The following ZNF177 variants were observed in gnomAD, a reference collection of about 807,000 sequenced individuals.
The protein encoded by ZNF177 is zinc finger protein 177.
In ZNF177, 17 loss-of-function variants were observed where a neutral mutation model predicts 19.4. That is an observed-to-expected ratio of 0.87 (90% CI 0.60 to 1.31). ZNF177 has a LOEUF of 1.31. Among genes scored for constraint, ZNF177 ranks in the 40% most tolerant of loss-of-function variants. ZNF177 has a pLI of 0.00. For missense variants in ZNF177, 633 were observed against 561.8 expected, an observed-to-expected ratio of 1.13 and a Z score of -1.28; for synonymous variants, 220 against 188.7, an observed-to-expected ratio of 1.17 and a Z score of -1.36.
exon 6 of ZNF177, chr19:9,381,163 C>A (rs776202703): frequency 3.7e-6 from 6 of 1,614,078 alleles, no homozygotes; most frequent in African/African-American, 2.7e-5. Flanking sequence ...TGTCAGAACT[C>A]ACTCTGGAGA....
exon 6 of ZNF177, chr19:9,381,597 A>G (rs993477071): frequency 6.2e-7 from 1 of 1,613,998 alleles, no homozygotes; most frequent in Non-Finnish European, 8.5e-7. Context: ...CTGGTGAGAA[A>G]ACCTATGAGT....
chr19:9,378,567 A>C, intron 2 of ZNF177: 3 of 712,666 alleles, frequency 4.2e-6, no homozygotes, highest in Non-Finnish European at 4.6e-6. Context: ...TATGAATTCC[A>C]TACTGTAGTG....
At chr19:9,372,545 T>C (rs1440793092), upstream of ZNF177, among the ~76,000 whole-genome samples, 1 of 131,674 alleles carries the variant, frequency 7.6e-6, no homozygotes, top group Admixed American at 7.4e-5. Context: ...TTTTCCTTTT[T>C]TTTTTTTTTT....
At chr19:9,373,924 T>G (rs539856831), upstream of ZNF177, among the ~76,000 whole-genome samples, 5 of 152,268 alleles carry the variant, frequency 3.3e-5, no homozygotes, top group South Asian at 1.0e-3. Context: ...TGATGTAGTT[T>G]CACTTATTTT....
At chr19:9,373,029 C>G (rs1474521114), upstream of ZNF177, among the ~76,000 whole-genome samples, 4 of 152,166 alleles carry the variant, frequency 2.6e-5, no homozygotes, top group Admixed American at 6.5e-5. Context: ...AAGATGCACT[C>G]TCTTGGAAAA....
intron 2 of ZNF177, among the ~76,000 whole-genome samples, chr19:9,368,316 C>T (rs1390555527): frequency 6.7e-6 from 1 of 148,684 alleles, no homozygotes; most frequent in Non-Finnish European, 1.5e-5. Flanking sequence ...CAACCATCAC[C>T]AGCTAGTTCT....
At chr19:9,382,146 TCCTC>T in exon 6 of ZNF177, 1 of 399,056 alleles carries the variant, frequency 2.5e-6, no homozygotes. Context: ...CAATATCCAT[TCCTC>T]CCTTCTTTCT....
rs1347165 is a variant in ZNF177, at chr19:9,380,534, C to A, written c.337-134C>A. The stretch of plus-strand genomic sequence containing the variant: ...CTAATAGGGCAAAAGTCATACGCAC[C>A]TACTGAAAATGGTACACATGTCAGT... On this transcript the variant is annotated intron_variant, in intron 5 of 5. Coordinates refer to ENST00000589262, the Ensembl canonical transcript of ZNF177. 29 of 1,518,098 alleles carry A rather than the reference C, an allele frequency of 1.9e-5. No individual in the cohort carries two copies. The South Asian group carries it at 2.5e-4, about 13-fold the overall frequency. The allele number at this position is 1,518,098 out of a possible 1,614,324, so 94.0% of individuals were successfully genotyped here.
At chr19:9,378,842 T>C in intron 2 of ZNF177, 120 bp from the exon 5 acceptor site, 1 of 1,407,142 alleles carries the variant, frequency 7.1e-7, no homozygotes, top group Non-Finnish European at 9.4e-7. Context: ...CTCTGATGCA[T>C]GTCTGAGCTT....
chr19:9,372,888 G>T (rs886192722), upstream of ZNF177, among the ~76,000 whole-genome samples: 4 of 151,968 alleles, frequency 2.6e-5, no homozygotes, highest in African/African-American at 9.7e-5. Flanking sequence ...CTTTCTTGAG[G>T]TATAATTGAC....
upstream of ZNF177, chr19:9,371,757 G>A (rs1402417232): frequency 1.4e-5 from 2 of 145,184 alleles, no homozygotes; most frequent in African/African-American, 5.6e-5. Context: ...CCAAAGGTTA[G>A]TGTCTTTCAC....
intron 2 of ZNF177, among the ~76,000 whole-genome samples, chr19:9,369,096 TA>T (rs1397717334): frequency 6.6e-6 from 1 of 152,120 alleles, no homozygotes; most frequent in African/African-American, 2.4e-5. Flanking sequence ...TCAGTTTTTA[TA>T]AACACTTCAT....
intron 2 of ZNF177, among the ~76,000 whole-genome samples, chr19:9,370,372 ACC>A (rs1297858507): frequency 6.6e-6 from 1 of 151,690 alleles, no homozygotes; most frequent in African/African-American, 2.4e-5. Context: ...TACTTACAGT[ACC>A]TAGTACAATA....
At chr19:9,381,076 A>C in exon 6 of ZNF177, 2 of 1,610,500 alleles carry the variant, frequency 1.2e-6, no homozygotes, top group Non-Finnish European at 1.7e-6. Flanking sequence ...CCACACAAAA[A>C]CTGGTAGTGT....
chr19:9,380,100 G>A, exon 5 of ZNF177: 1 of 1,612,016 alleles, frequency 6.2e-7, no homozygotes, highest in South Asian at 1.1e-5. Flanking sequence ...TTGCTATGCA[G>A]AACATTCCTG....
chr19:9,380,116 A>G lies in ZNF177; in HGVS notation c.313A>G (p.Lys105Glu), dbSNP rs1308493572. 1.6e-5 allele frequency: 25 copies of G among 1,611,314 alleles called. No individual in the cohort carries two copies. The Admixed American group carries it at 4.2e-4, about 27-fold the overall frequency. Reference sequence around the variant, plus strand: ...TGCTATGCAGAACATTCCTGGGGGAAAAACATCCAATGGCATAAACACGGT... The same window carrying G: ...TGCTATGCAGAACATTCCTGGGGGAGAAACATCCAATGGCATAAACACGGT... Residue 105 changes from lysine to glutamate, a missense_variant, in exon 5 of 6, where the codon AAA (lysine) becomes GAA (glutamate). Transcript: ENST00000589262.
chr19:9,377,794 C>T (rs1317062731), intron 1 of ZNF177, among the ~76,000 whole-genome samples: 1 of 152,162 alleles, frequency 6.6e-6, no homozygotes, highest in Non-Finnish European at 1.5e-5. Flanking sequence ...ATGAGTTACT[C>T]CTTATTGTTC....
chr19:9,365,688 A>G (rs1432869229), intron 2 of ZNF177, among the ~76,000 whole-genome samples: 1 of 152,132 alleles, frequency 6.6e-6, no homozygotes, highest in African/African-American at 2.4e-5. Context: ...TCCCGAGTCC[A>G]TGACCGGCGC....
At chr19:9,380,401 A>C (rs569093590) in intron 5 of ZNF177, among the ~76,000 whole-genome samples, 4 of 152,328 alleles carry the variant, frequency 2.6e-5, no homozygotes, top group African/African-American at 7.2e-5. Flanking sequence ...TTTAGTACAT[A>C]ATTCATTCAT....
Sources: allele counts gnomAD v4.1 joint callset (sites outside exome capture counted in the v4.1 genomes callset), GRCh38; gene constraint gnomAD v4.1.1; transcripts MANE v1.5; gene names NCBI Gene and HGNC (gene_info 2026-07-23, HGNC 2026-07-21).